The following FRMD6 variants were observed in gnomAD, a reference collection of about 807,000 sequenced individuals.
FRMD6 encodes FERM domain-containing protein 6.
A neutral mutation model predicts 73.2 loss-of-function variants in FRMD6; 37 were observed. The ratio of observed to expected loss-of-function variants is 0.51; its 90% CI spans 0.39 to 0.66. The LOEUF is 0.66. Ranked by LOEUF, FRMD6 falls within the 30% of genes least tolerant of loss-of-function variation. FRMD6 has a pLI of 0.00. For synonymous variants in FRMD6, 273 were observed against 282.2 expected (o/e 0.97, Z 0.33); for missense variants, 714 against 780.5 (o/e 0.91, Z 1.02).
intron 2 of FRMD6, among the ~76,000 whole-genome samples, chr14:51,604,458 A>G (rs985832148): frequency 1.6e-4 from 25 of 152,194 alleles, no homozygotes; most frequent in African/African-American, 4.6e-4. Context: ...TATTTGAAGG[A>G]ATTCACAGCA....
intron 1 of FRMD6, among the ~76,000 whole-genome samples, chr14:51,549,808 G>T (rs928126732): frequency 1.3e-5 from 2 of 151,816 alleles, no homozygotes; most frequent in Admixed American, 1.3e-4. Flanking sequence ...TGTTAGCCAG[G>T]ATGATCTCGA....
chr14:51,472,429 G>A, the FRMD6 span, among the ~76,000 whole-genome samples: 5 of 151,976 alleles, frequency 3.3e-5, no homozygotes, highest in Non-Finnish European at 5.9e-5. Context: ...TCAGCCTCCC[G>A]AGTGGCTGGG....
At chr14:51,403,286 T>C in the FRMD6 span, among the ~76,000 whole-genome samples, 1 of 152,248 alleles carries the variant, frequency 6.6e-6, no homozygotes, top group South Asian at 2.1e-4. Context: ...TGCCTTGCCT[T>C]TCTTTAAGAT....
intron 1 of FRMD6, among the ~76,000 whole-genome samples, chr14:51,665,248 G>T (rs1051325458): frequency 6.6e-6 from 1 of 152,116 alleles, no homozygotes; most frequent in East Asian, 1.9e-4. Flanking sequence ...CCCTTTATAC[G>T]GGGTGTGTGC....
intron 2 of FRMD6, among the ~76,000 whole-genome samples, chr14:51,601,134 G>A (rs766793599): frequency 2.6e-5 from 4 of 152,130 alleles, no homozygotes; most frequent in Non-Finnish European, 5.9e-5. Context: ...GGGCAGACCT[G>A]TCCCCCAGCA....
intron 1 of FRMD6, among the ~76,000 whole-genome samples, chr14:51,546,131 A>C (rs1886452454): frequency 6.6e-6 from 1 of 152,228 alleles, no homozygotes; most frequent in Non-Finnish European, 1.5e-5. Context: ...TCAGTGATAA[A>C]TCATAGAATT....
At chr14:51,474,092 G>A in the FRMD6 span, among the ~76,000 whole-genome samples, 1 of 152,170 alleles carries the variant, frequency 6.6e-6, no homozygotes, top group Non-Finnish European at 1.5e-5. Flanking sequence ...GATAAAAATA[G>A]ATAAGCAGGG....
intron 1 of FRMD6, among the ~76,000 whole-genome samples, chr14:51,567,525 A>C (rs1385403950): frequency 6.6e-6 from 1 of 152,152 alleles, no homozygotes; most frequent in Non-Finnish European, 1.5e-5. Flanking sequence ...CGTTTTGTAG[A>C]GACAGTATCT....
chr14:51,471,982 C>T, the FRMD6 span, among the ~76,000 whole-genome samples: 1 of 152,168 alleles, frequency 6.6e-6, no homozygotes, highest in Non-Finnish European at 1.5e-5. Flanking sequence ...CTCCAGAAGA[C>T]GCAGCATTCA....
At chr14:51,398,511 A>T in the FRMD6 span, among the ~76,000 whole-genome samples, 2 of 126,564 alleles carry the variant, frequency 1.6e-5, no homozygotes, top group African/African-American at 2.9e-5. Flanking sequence ...TGTCATTGTC[A>T]CAAACAATGT....
chr14:51,703,435 G>C (rs772670331), intron 5 of FRMD6, among the ~76,000 whole-genome samples: 3 of 151,940 alleles, frequency 2.0e-5, no homozygotes, highest in Non-Finnish European at 2.9e-5. Context: ...ATCAATGCCA[G>C]ATGCAAATTA....
In FRMD6 at chr14:51,730,277, T is replaced by C. The variant is rs1023980420; in HGVS notation, c.*2248T>C. On this transcript the variant is annotated 3_prime_UTR_variant, in exon 14 of 14. Coordinates refer to ENST00000344768, the MANE Select transcript of FRMD6 (RefSeq NM_001267046.2). ...TTGGTGGTTTTGCACATGTTCTTTC[T>C]AATTGGATTTATGAATAGTTCTATG... 2 of 152,248 alleles carry C rather than the reference T, an allele frequency of 1.3e-5. No individual in the cohort carries two copies. Among genetic ancestry groups the C allele is most frequent in the African/African-American group, 4.8e-5 (2 of 41,472 alleles). The allele number at this position is 152,248 out of a possible 1,614,324, so 9.4% of individuals were successfully genotyped here. A position where few individuals can be genotyped will look rare whatever the true frequency, so the allele number is the denominator to read the frequency against.
intron 1 of FRMD6, among the ~76,000 whole-genome samples, chr14:51,539,106 C>T (rs1419924121): frequency 1.3e-5 from 2 of 151,962 alleles, no homozygotes; most frequent in Non-Finnish European, 2.9e-5. Flanking sequence ...TTGCACTACT[C>T]TCCTCATTTC....
At chr14:51,507,552 AG>A (rs1884042645) in intron 1 of FRMD6, among the ~76,000 whole-genome samples, 1 of 152,026 alleles carries the variant, frequency 6.6e-6, no homozygotes, top group Non-Finnish European at 1.5e-5. Flanking sequence ...CATCTTTAAA[AG>A]TCTCCGTATC....
At chr14:51,538,062 T>G (rs980491701) in intron 1 of FRMD6, among the ~76,000 whole-genome samples, 1 of 152,200 alleles carries the variant, frequency 6.6e-6, no homozygotes. Flanking sequence ...TGATCTTATA[T>G]CTAAAAAGTC....
At chr14:51,587,419 A>T (rs113052002) in intron 2 of FRMD6, among the ~76,000 whole-genome samples, 1 of 152,236 alleles carries the variant, frequency 6.6e-6, no homozygotes, top group Non-Finnish European at 1.5e-5. Flanking sequence ...AAGTTTTATT[A>T]GCTTGGGTTA....
intron 2 of FRMD6, among the ~76,000 whole-genome samples, chr14:51,627,803 C>T (rs531838712): frequency 6.6e-6 from 1 of 152,160 alleles, no homozygotes; most frequent in African/African-American, 2.4e-5. Flanking sequence ...GGATGTTTAC[C>T]ATCAGAGTCA....
intron 2 of FRMD6, among the ~76,000 whole-genome samples, chr14:51,646,318 C>CAAAA (rs34495089): frequency 2.9e-5 from 2 of 69,256 alleles, no homozygotes; most frequent in African/African-American, 6.0e-5. Context: ...ACTCCATATC[C>CAAAA]AAAAAAAAAA....
At chr14:51,642,042 T>C (rs2140033931) in intron 2 of FRMD6, among the ~76,000 whole-genome samples, 1 of 152,322 alleles carries the variant, frequency 6.6e-6, no homozygotes, top group South Asian at 2.1e-4. Flanking sequence ...GCCACGTACC[T>C]TTTGTTTCAC....
Sources: allele counts gnomAD v4.1 joint callset (sites outside exome capture counted in the v4.1 genomes callset), GRCh38; gene constraint gnomAD v4.1.1; transcripts MANE v1.5; gene names NCBI Gene and HGNC (gene_info 2026-07-23, HGNC 2026-07-21).